The following DCC variants were observed in gnomAD, a reference collection of about 807,000 sequenced individuals.
DCC encodes the protein DCC netrin 1 receptor.
A neutral mutation model predicts 172.5 loss-of-function variants in DCC; 58 were observed. The observed-to-expected ratio is 0.34, with a 90% confidence interval of 0.27 to 0.42. The LOEUF (loss-of-function observed/expected upper bound fraction) is 0.42. Ranked by LOEUF, DCC falls within the 10% of genes least tolerant of loss-of-function variation. The pLI is 1.00. For missense variants in DCC, 1,740 were observed against 1,791.0 expected, an observed-to-expected ratio of 0.97 and a Z score of 0.51; for synonymous variants, 709 against 644.5, an observed-to-expected ratio of 1.10 and a Z score of -1.52.
intron 1 of DCC, among the ~76,000 whole-genome samples, chr18:52,691,381 T>C (rs2035927996): frequency 6.6e-6 from 1 of 152,104 alleles, no homozygotes. Context: ...ACTAGGTGAC[T>C]TGAAACAGCA....
intron 5 of DCC, among the ~76,000 whole-genome samples, chr18:53,015,702 A>G (rs2041798307): frequency 6.6e-6 from 1 of 152,124 alleles, no homozygotes; most frequent in South Asian, 2.1e-4. Flanking sequence ...ATAGAGATCG[A>G]TAGACTTACT....
chr18:53,081,409 C>T (rs959977553), intron 7 of DCC, among the ~76,000 whole-genome samples: 5 of 151,870 alleles, frequency 3.3e-5, no homozygotes, highest in Non-Finnish European at 5.9e-5. Flanking sequence ...TTTTTGAAAT[C>T]CACAAATCAA....
At chr18:53,352,010 G>A (rs933157863) in intron 15 of DCC, among the ~76,000 whole-genome samples, 1 of 151,906 alleles carries the variant, frequency 6.6e-6, no homozygotes, top group Non-Finnish European at 1.5e-5. Flanking sequence ...GTAATAAACA[G>A]TAAAGACTTG....
chr18:53,391,562 C>A, intron 16 of DCC, 93 bp from the exon 17 acceptor site: 1 of 813,346 alleles, frequency 1.2e-6, no homozygotes, highest in Non-Finnish European at 2.2e-6. Context: ...ATGCATTTAA[C>A]TCATTGTGAT....
intron 1 of DCC, among the ~76,000 whole-genome samples, chr18:52,499,216 A>G (rs1211679091): frequency 6.6e-6 from 1 of 152,166 alleles, no homozygotes; most frequent in African/African-American, 2.4e-5. Context: ...TTGAGCTTAG[A>G]AGTTAATGAT....
chr18:52,655,958 G>A (rs201207104), intron 1 of DCC, among the ~76,000 whole-genome samples: 4 of 23,604 alleles, frequency 1.7e-4, no homozygotes, highest in Admixed American at 5.6e-4. Flanking sequence ...AAATATATAT[G>A]TGTGTGTGTG....
chr18:53,462,835 G>A (rs142635265), intron 24 of DCC, among the ~76,000 whole-genome samples: 170 of 152,262 alleles, frequency 1.1e-3, no homozygotes, highest in African/African-American at 3.6e-3. Context: ...TTCCAGCAAG[G>A]GGACTGAAGC....
chr18:53,343,611 AT>A (rs1158291884), intron 15 of DCC, among the ~76,000 whole-genome samples: 3 of 151,632 alleles, frequency 2.0e-5, no homozygotes, highest in Non-Finnish European at 2.9e-5. Flanking sequence ...TTTGTCTACA[AT>A]TTTCTTTTCC....
intron 2 of DCC, among the ~76,000 whole-genome samples, chr18:52,902,764 TC>T (rs1372589083): frequency 6.6e-6 from 1 of 152,198 alleles, no homozygotes; most frequent in African/African-American, 2.4e-5. Context: ...GAGCATTCAG[TC>T]AAGCCTTATA....
chr18:53,282,449 A>C (rs181759183), intron 12 of DCC, among the ~76,000 whole-genome samples: 3 of 152,172 alleles, frequency 2.0e-5, no homozygotes, highest in Admixed American at 2.0e-4. Context: ...GAGTTTCTGA[A>C]GTCAAGATTT....
Position 52,778,885 on chromosome 18 carries a change from A to G in DCC, c.412+26511A>G, listed in dbSNP as rs147856700. ...GGTTGTAATTTTATTTTACCTTATC[A>G]ATATCCAATTGTGCCCTGCTCATCA... On this transcript the variant is annotated intron_variant, in intron 2 of 28. Transcript: ENST00000442544. Among the ~76,000 whole-genome samples, 956 of 152,338 alleles carry G rather than the reference A, an allele frequency of 6.3e-3. 11 individuals are homozygous for G. Among genetic ancestry groups the G allele is most frequent in the South Asian group, 0.014 (68 of 4,828 alleles).
At chr18:53,158,962 C>T (rs933950869) in intron 8 of DCC, among the ~76,000 whole-genome samples, 2 of 128,352 alleles carry the variant, frequency 1.6e-5, no homozygotes, top group African/African-American at 6.2e-5. Context: ...CACTGCACTC[C>T]AGCCTGGGCA....
intron 1 of DCC, among the ~76,000 whole-genome samples, chr18:52,437,405 G>C (rs546070840): frequency 5.9e-4 from 90 of 152,272 alleles, no homozygotes; most frequent in African/African-American, 1.9e-3. Context: ...GTGTTAAGGA[G>C]ATAATTACTA....
At chr18:53,378,475 ATAT>A (rs1907473837) in intron 15 of DCC, among the ~76,000 whole-genome samples, 2 of 152,198 alleles carry the variant, frequency 1.3e-5, no homozygotes, top group African/African-American at 4.8e-5. Flanking sequence ...AGAGAGGAAA[ATAT>A]TATAAAATAT....
At chr18:53,133,661 A>G (rs1225057631) in intron 7 of DCC, among the ~76,000 whole-genome samples, 1 of 152,206 alleles carries the variant, frequency 6.6e-6, no homozygotes, top group Non-Finnish European at 1.5e-5. Flanking sequence ...TTAGTGGTAC[A>G]TTAGCTACAA....
At chr18:53,198,066 T>G (rs555425212) in intron 9 of DCC, among the ~76,000 whole-genome samples, 1 of 152,250 alleles carries the variant, frequency 6.6e-6, no homozygotes, top group East Asian at 1.9e-4. Context: ...TGATTAAAAG[T>G]TGAAGATAGC....
chr18:53,434,326 T>C (rs57770253), intron 21 of DCC, among the ~76,000 whole-genome samples: 14,136 of 152,232 alleles, frequency 0.093, 866 homozygotes, highest in East Asian at 0.21. Flanking sequence ...ACATAAGTAG[T>C]CTACCTAGAT....
chr18:53,078,808 T>C (rs1310604374), intron 7 of DCC, among the ~76,000 whole-genome samples: 1 of 152,156 alleles, frequency 6.6e-6, no homozygotes, highest in African/African-American at 2.4e-5. Context: ...TTCATCTAGA[T>C]GATCGTCTAT....
chr18:53,135,440 AT>A (rs2144332133), intron 7 of DCC, among the ~76,000 whole-genome samples: 1 of 152,334 alleles, frequency 6.6e-6, no homozygotes, highest in Non-Finnish European at 1.5e-5. Context: ...AGGAAAGGCA[AT>A]AAAATTTGAT....
Sources: gnomAD v4.1 joint callset for allele counts (sites outside exome capture counted in the v4.1 genomes callset) on GRCh38, gnomAD v4.1.1 for gene constraint, MANE v1.5 for transcripts, NCBI Gene and HGNC (gene_info 2026-07-23, HGNC 2026-07-21) for gene names.